Variants in ADAMTS9 observed in about 807,000 individuals in gnomAD.
ADAMTS9 encodes A disintegrin and metalloproteinase with thrombospondin motifs 9.
In ADAMTS9, 107 loss-of-function variants were observed where a neutral mutation model predicts 257.1. That is an observed-to-expected ratio of 0.42 (90% CI 0.36 to 0.49). ADAMTS9 has a LOEUF of 0.49. ADAMTS9 is among the 20% of genes least tolerant of loss of function. The pLI is 0.03. For synonymous variants in ADAMTS9, 982 were observed against 880.9 expected, an observed-to-expected ratio of 1.11 and a Z score of -2.03; for missense variants, 2,353 against 2,469.1, an observed-to-expected ratio of 0.95 and a Z score of 1.00.
chr3:64,609,803 A>G (rs2084632144), intron 22 of ADAMTS9, among the ~76,000 whole-genome samples: 2 of 152,196 alleles, frequency 1.3e-5, no homozygotes, highest in Admixed American at 1.3e-4. Context: ...ATGGAATGAC[A>G]AGAGACCCCA....
chr3:64,581,390 T>C (rs1435183358), intron 28 of ADAMTS9, among the ~76,000 whole-genome samples: 2 of 152,004 alleles, frequency 1.3e-5, no homozygotes, highest in Non-Finnish European at 2.9e-5. Context: ...TTTAATCTAT[T>C]TATTTATTTA....
chr3:64,547,398 A>C (rs374519209), intron 31 of ADAMTS9, among the ~76,000 whole-genome samples: 27 of 151,616 alleles, frequency 1.8e-4, no homozygotes, highest in African/African-American at 6.6e-4. Context: ...TGTGAAATCC[A>C]AGCACTGAGC....
chr3:64,687,703 T>G lies in ADAMTS9; in HGVS notation c.-46A>C. The G allele has an allele frequency of 1.6e-6, 2 of 1,263,616 alleles. No homozygotes were observed. The highest frequency in any genetic ancestry group is 1.6e-5 in the African/African-American group (1 of 62,000). The allele number at this position is 1,263,616 out of a possible 1,614,324, so 78.3% of individuals were successfully genotyped here. Reference sequence around the variant, plus strand: ...CCGCTGCCCCCACCCCCCTCCCTCCTGCCCTCCTTGGCTGCGGCGGCGACG... The same window carrying G: ...CCGCTGCCCCCACCCCCCTCCCTCCGGCCCTCCTTGGCTGCGGCGGCGACG... On this transcript the variant is annotated 5_prime_UTR_variant, in exon 1 of 40. Transcript: ENST00000498707. The surrounding 1 kb of genome is among the most constrained non-coding windows in gnomAD (Gnocchi z 4.4).
At chr3:64,666,561 C>T (rs141382149) in intron 3 of ADAMTS9, among the ~76,000 whole-genome samples, 171 of 152,258 alleles carry the variant, frequency 1.1e-3, no homozygotes, top group African/African-American at 3.9e-3. Flanking sequence ...GTTTCCATTC[C>T]TCCCCTAAAG....
At chr3:64,537,997 G>A (rs1401537900) in intron 37 of ADAMTS9, among the ~76,000 whole-genome samples, 1 of 152,176 alleles carries the variant, frequency 6.6e-6, no homozygotes. Flanking sequence ...TGGGCAGAAA[G>A]ATTGCTGCTG....
intron 28 of ADAMTS9, among the ~76,000 whole-genome samples, chr3:64,576,855 G>T (rs184218868): frequency 6.6e-6 from 1 of 152,222 alleles, no homozygotes; most frequent in Non-Finnish European, 1.5e-5. Context: ...AACCAAGTAG[G>T]TGGCCCTGCA....
At chr3:64,644,360 C>T (rs1384610613) in intron 11 of ADAMTS9, among the ~76,000 whole-genome samples, 2 of 152,190 alleles carry the variant, frequency 1.3e-5, no homozygotes, top group Non-Finnish European at 2.9e-5. Context: ...ATACTCTTAA[C>T]TGGGACACAT....
At chr3:64,518,183 G>T (rs549605466) in intron 39 of ADAMTS9, among the ~76,000 whole-genome samples, 2 of 152,310 alleles carry the variant, frequency 1.3e-5, no homozygotes, top group South Asian at 2.1e-4. Flanking sequence ...GATGAAGAAA[G>T]AGAGTACTGA....
chr3:64,643,162 G>A (rs1700698913), intron 11 of ADAMTS9, among the ~76,000 whole-genome samples: 1 of 152,182 alleles, frequency 6.6e-6, no homozygotes, highest in African/African-American at 2.4e-5. Context: ...CACTGAGGCA[G>A]TGGGGACTAC....
intron 12 of ADAMTS9, among the ~76,000 whole-genome samples, chr3:64,638,619 A>G (rs1700559240): frequency 6.6e-6 from 1 of 152,178 alleles, no homozygotes; most frequent in African/African-American, 2.4e-5. Context: ...TAAAGCACTT[A>G]AAGACAAAAT....
chr3:64,541,214 G>A lies in ADAMTS9; in HGVS notation c.5402C>T (p.Thr1801Ile), dbSNP rs756810564. 1.2e-6 allele frequency: 2 copies of A among 1,614,222 alleles called. No homozygotes were observed. Among genetic ancestry groups the A allele is most frequent in the South Asian group, 1.1e-5 (1 of 91,082 alleles). The change falls in exon 36 of 40, where the codon ACA becomes ATA. Residue 1801 changes from threonine (T) to isoleucine (I), a missense_variant. Thr to Ile is a moderately conservative substitution (Grantham distance 89). This residue lies in a region of ADAMTS9 where 1,402 missense variants were observed against 1,441.4 expected (regional missense o/e 0.97). Coordinates refer to ENST00000498707, the MANE Select transcript of ADAMTS9 (RefSeq NM_182920.2). Reference sequence around the variant, plus strand: ...CCGGCTCCCGTTATAGGGACATTCTGTTGGGTTGTGTAACCTAAATTATAC... The same window carrying A: ...CCGGCTCCCGTTATAGGGACATTCTATTGGGTTGTGTAACCTAAATTATAC... ...EVYGHRLHNP[T>I]ECPYNGSRRD...
chr3:64,546,678 G>T, intron 32 of ADAMTS9, 80 bp downstream of exon 32: 1 of 1,412,580 alleles, frequency 7.1e-7, no homozygotes, highest in Admixed American at 2.3e-5. Context: ...TTACTAAGGA[G>T]AGCGGGTTAG....
chr3:64,647,801 C>T, intron 11 of ADAMTS9, 139 bp downstream of exon 11: 2 of 617,772 alleles, frequency 3.2e-6, no homozygotes, highest in South Asian at 6.9e-5. Context: ...AACTTCTAAA[C>T]ATCTGTCCTC....
At chr3:64,675,381 T>C (rs1217630399) in intron 3 of ADAMTS9, among the ~76,000 whole-genome samples, 1 of 152,122 alleles carries the variant, frequency 6.6e-6, no homozygotes, top group Non-Finnish European at 1.5e-5. Flanking sequence ...GCTCCAAAAA[T>C]GAAGTTAAAA....
chr3:64,527,367 T>C (rs1397544912), intron 38 of ADAMTS9, among the ~76,000 whole-genome samples: 5 of 152,174 alleles, frequency 3.3e-5, no homozygotes, highest in African/African-American at 4.8e-5. Flanking sequence ...GGAAGGCAGA[T>C]TGGCTTCTTT....
At position 64,607,075 on chromosome 3, in the gene ADAMTS9, C is replaced by T. The variant is rs564249411; in HGVS notation, c.3359G>A (p.Ser1120Asn). 3.1e-6 allele frequency: 5 copies of T among 1,613,602 alleles called. No individual in the cohort carries two copies. The highest frequency in any genetic ancestry group is 1.3e-5 in the African/African-American group (1 of 74,924). The change falls in exon 23 of 40, where the codon AGT becomes AAT. Residue 1120 changes from serine to asparagine, a missense_variant. This residue lies in a region of ADAMTS9 where 1,402 missense variants were observed against 1,441.4 expected (regional missense o/e 0.97). Coordinates refer to ENST00000498707, the MANE Select transcript of ADAMTS9 (RefSeq NM_182920.2). ...CTGGTATCCCTGTCCACAAGTGACA[C>T]TGCACTGGAAGAAGGAGGACAAAAG... Reference protein sequence around the residue: ...SWQAGPWGQCSVTCGQGYQLR... With the variant: ...SWQAGPWGQCNVTCGQGYQLR...
chr3:64,577,976 C>G lies in ADAMTS9; in HGVS notation c.4357-9441G>C, dbSNP rs570015147. Among the ~76,000 whole-genome samples, 20 of 152,300 alleles carry G rather than the reference C, an allele frequency of 1.3e-4. No individual in the cohort carries two copies. In the East Asian group the frequency reaches 3.3e-3, roughly 25 times the overall value. On this transcript the variant is annotated intron_variant, in intron 28 of 39. Transcript: ENST00000498707. ...ATTGTGAAAGGAGCATCTTTACAGG[C>G]CAGCATGTCAGGTAGACTATCCTGA...
intron 37 of ADAMTS9, among the ~76,000 whole-genome samples, chr3:64,534,454 G>A (rs939594745): frequency 1.3e-5 from 2 of 152,174 alleles, no homozygotes; most frequent in Admixed American, 1.3e-4. Flanking sequence ...GTAACAGTAA[G>A]CTTATTGAGA....
At chr3:64,631,069 A>C (rs925291881) in intron 16 of ADAMTS9, among the ~76,000 whole-genome samples, 1 of 152,240 alleles carries the variant, frequency 6.6e-6, no homozygotes, top group African/African-American at 2.4e-5. Context: ...TAACATAAAA[A>C]TTAAGTCAAG....
Sources: allele counts gnomAD v4.1 joint callset (sites outside exome capture counted in the v4.1 genomes callset), GRCh38; gene constraint gnomAD v4.1.1; regional missense constraint gnomAD v4.1.1; non-coding constraint Gnocchi (gnomAD v3.1); transcripts MANE v1.5; gene names NCBI Gene and HGNC (gene_info 2026-07-23, HGNC 2026-07-21).